The following SORCS1 variants were observed in gnomAD, a reference collection of about 807,000 sequenced individuals.
SORCS1 encodes the protein sortilin related VPS10 domain containing receptor 1.
Under a neutral mutation model 146.1 loss-of-function variants are expected in SORCS1, and 60 were observed. The ratio of observed to expected loss-of-function variants is 0.41; its 90% CI spans 0.33 to 0.51. The LOEUF (loss-of-function observed/expected upper bound fraction) is 0.51, where lower values mean the gene tolerates loss of function less well. SORCS1 is among the 20% of genes least tolerant of loss of function. SORCS1 has a pLI of 0.21. For synonymous variants in SORCS1, 637 were observed against 584.0 expected (o/e 1.09, Z -1.31); for missense variants, 1,352 against 1,487.6 (o/e 0.91, Z 1.50).
intron 2 of SORCS1, among the ~76,000 whole-genome samples, chr10:106,890,141 G>A (rs2137870958): frequency 6.6e-6 from 1 of 152,244 alleles, no homozygotes; most frequent in East Asian, 1.9e-4. Context: ...ATCACTCAAA[G>A]TGATTCTGAT....
upstream of SORCS1, among the ~76,000 whole-genome samples, chr10:107,169,698 G>A (rs115444686): frequency 6.6e-6 from 1 of 152,052 alleles, no homozygotes; most frequent in Non-Finnish European, 1.5e-5. Flanking sequence ...ATAGGTAGGG[G>A]GCAGTTTTTG....
At chr10:106,806,506 T>TTTC (rs1196721206) in intron 3 of SORCS1, among the ~76,000 whole-genome samples, 1,560 of 53,380 alleles carry the variant, frequency 0.029, 416 homozygotes, top group African/African-American at 0.084. Flanking sequence ...AGAGGAAGCC[T>TTTC]TTTTTTTTTT....
intron 7 of SORCS1, among the ~76,000 whole-genome samples, chr10:106,706,982 G>A (rs1461830282): frequency 6.6e-6 from 1 of 152,072 alleles, no homozygotes; most frequent in Non-Finnish European, 1.5e-5. Context: ...CCTACAAGTA[G>A]GTCCCTGTGC....
chr10:107,056,833 C>A (rs1306388290), intron 1 of SORCS1, among the ~76,000 whole-genome samples: 1 of 152,164 alleles, frequency 6.6e-6, no homozygotes, highest in Non-Finnish European at 1.5e-5. Flanking sequence ...AACCCTAACC[C>A]AGTAATGTAG....
chr10:106,580,515 G>A (rs533965438), intron 24 of SORCS1, among the ~76,000 whole-genome samples: 22 of 152,230 alleles, frequency 1.4e-4, no homozygotes, highest in African/African-American at 4.3e-4. Flanking sequence ...TGCAGCTCGT[G>A]CATAAAAGAC....
chr10:107,177,642 T>C, the SORCS1 span, among the ~76,000 whole-genome samples: 3 of 152,204 alleles, frequency 2.0e-5, no homozygotes, highest in Non-Finnish European at 4.4e-5. Context: ...CTATTTATGG[T>C]AGATGTGAGA....
At chr10:106,893,765 A>T (rs1025835836) in intron 2 of SORCS1, among the ~76,000 whole-genome samples, 2 of 152,222 alleles carry the variant, frequency 1.3e-5, no homozygotes, top group Non-Finnish European at 2.9e-5. Context: ...TTCAGCTCAA[A>T]TGACAAACTA....
At chr10:106,795,286 T>G (rs1310546534) in intron 3 of SORCS1, among the ~76,000 whole-genome samples, 5 of 152,126 alleles carry the variant, frequency 3.3e-5, no homozygotes, top group African/African-American at 1.2e-4. Context: ...TAGTTGTTTT[T>G]TTTTGTTTGT....
chr10:106,744,928 C>G (rs72823228), intron 5 of SORCS1, among the ~76,000 whole-genome samples: 3,102 of 152,250 alleles, frequency 0.02, 48 homozygotes, highest in Middle Eastern at 0.041. Context: ...CCAAGAAAAT[C>G]AGTCACAGAG....
At position 107,164,109 on chromosome 10, in the gene SORCS1, G is replaced by T; in HGVS notation, c.418C>A (p.Pro140Thr). ...GVLRDGGQQE[P>T]GTRERDPDKA... ...TCCGGGTCCCGCTCCCGAGTCCCAG[G>T]CTCCTGCTGCCCTCCATCTCTTAGC... is the stretch of plus-strand genomic sequence containing the variant. Residue 140 changes from proline to threonine, a missense_variant, in exon 1 of 26, where the codon CCT (proline) becomes ACT (threonine). Around this residue, in one of 3 missense-constraint regions of SORCS1, gnomAD observed 490 missense variants for 489.1 expected, o/e 1.00. Coordinates refer to ENST00000263054, the MANE Select transcript of SORCS1 (RefSeq NM_052918.5). The surrounding 1 kb of genome is among the most constrained non-coding windows in gnomAD (Gnocchi z 6.8). 1 of 1,613,784 alleles carries T rather than the reference G, an allele frequency of 6.2e-7. No individual in the cohort carries two copies. Among genetic ancestry groups the T allele is most frequent in the Non-Finnish European group, 8.5e-7 (1 of 1,180,004 alleles).
chr10:106,617,200 C>T (rs1043887259), intron 21 of SORCS1, among the ~76,000 whole-genome samples: 3 of 151,972 alleles, frequency 2.0e-5, no homozygotes, highest in Non-Finnish European at 2.9e-5. Flanking sequence ...GGTGACCCAC[C>T]CGCCTCGGCC....
chr10:106,614,510 G>A (rs1847223420), intron 21 of SORCS1, among the ~76,000 whole-genome samples: 1 of 152,162 alleles, frequency 6.6e-6, no homozygotes, highest in South Asian at 2.1e-4. Context: ...ATTACCTGAT[G>A]GGGAACAATG....
At chr10:106,796,511 A>G (rs1946561364) in intron 3 of SORCS1, among the ~76,000 whole-genome samples, 4 of 152,224 alleles carry the variant, frequency 2.6e-5, no homozygotes, top group African/African-American at 7.2e-5. Context: ...TCAATTGCCA[A>G]TGATACTTAT....
At chr10:106,861,875 G>A (rs1008059261) in intron 2 of SORCS1, among the ~76,000 whole-genome samples, 26 of 152,146 alleles carry the variant, frequency 1.7e-4, no homozygotes, top group African/African-American at 6.0e-4. Context: ...GTGACAGGGC[G>A]AGACTCCATC....
In SORCS1 at chr10:107,067,529, G is replaced by A. The variant is rs191812729; in HGVS notation, c.558+96440C>T. Among the ~76,000 whole-genome samples, 247 of 152,240 alleles carry A rather than the reference G, an allele frequency of 1.6e-3. 1 individual carries two copies. The highest frequency in any genetic ancestry group is 3.4e-3 in the Middle Eastern group (1 of 294). ...ATTTTTGTATGCATATAACTATATT[G>A]ATAAGATATAGGGAATGCTGTGTGC... On this transcript the variant is annotated intron_variant, in intron 1 of 25. Coordinates refer to ENST00000263054, the MANE Select transcript of SORCS1 (RefSeq NM_052918.5).
At chr10:106,998,814 G>A (rs77832640) in intron 1 of SORCS1, among the ~76,000 whole-genome samples, 4,384 of 152,240 alleles carry the variant, frequency 0.029, 182 homozygotes, top group African/African-American at 0.095. Context: ...AGCTCCAAAA[G>A]TTTAGGACTT....
At chr10:106,849,458 TG>T (rs1294172064) in intron 2 of SORCS1, among the ~76,000 whole-genome samples, 1 of 145,078 alleles carries the variant, frequency 6.9e-6, no homozygotes, top group African/African-American at 2.5e-5. Context: ...AGCACTTCTC[TG>T]TATTGGTTAT....
At chr10:106,689,203 A>G (rs1230783787) in intron 9 of SORCS1, among the ~76,000 whole-genome samples, 1 of 152,246 alleles carries the variant, frequency 6.6e-6, no homozygotes, top group Admixed American at 6.5e-5. Context: ...AGTAGTAATT[A>G]GTAATTTGTC....
chr10:106,771,958 T>C (rs1246422203), intron 4 of SORCS1, among the ~76,000 whole-genome samples: 1 of 152,212 alleles, frequency 6.6e-6, no homozygotes, highest in Admixed American at 6.5e-5. Flanking sequence ...GGTGCCTGGA[T>C]AGCCACATCC....
Sources: allele counts gnomAD v4.1 joint callset (sites outside exome capture counted in the v4.1 genomes callset), GRCh38; gene constraint gnomAD v4.1.1; regional missense constraint gnomAD v4.1.1; non-coding constraint Gnocchi (gnomAD v3.1); transcripts MANE v1.5; gene names NCBI Gene and HGNC (gene_info 2026-07-23, HGNC 2026-07-21).